Variants in AGBL1 observed in about 807,000 individuals in gnomAD.
AGBL1 encodes AGBL carboxypeptidase 1.
A neutral mutation model predicts 118.9 loss-of-function variants in AGBL1; 130 were observed. The observed-to-expected ratio is 1.09, with a 90% CI of 0.95 to 1.26. The LOEUF (loss-of-function observed/expected upper bound fraction) is 1.26. AGBL1 is among the 50% of genes most tolerant of loss of function. The pLI, the probability that AGBL1 is intolerant of heterozygous loss-of-function variation, is 0.00. For synonymous variants in AGBL1, 555 were observed against 478.9 expected, an observed-to-expected ratio of 1.16 and a Z score of -2.08; for missense variants, 1,584 against 1,298.1, an observed-to-expected ratio of 1.22 and a Z score of -3.38.
In AGBL1 at chr15:86,913,200, TACACACACACACACACAC is replaced by T. The variant is rs10556535; in HGVS notation, c.*5917_*5934del. The T allele has an allele frequency of 6.7e-6, 1 of 148,424 alleles. No homozygotes were observed. Among genetic ancestry groups the T allele is most frequent in the South Asian group, 2.2e-4 (1 of 4,580 alleles). 9.2% of individuals were successfully genotyped at this position (148,424 alleles called of 1,614,324 possible). A position where few individuals can be genotyped will look rare whatever the true frequency, so the allele number is the denominator to read the frequency against. ...TTGAGTTCCCCACCACACACACACA[TACACACACACACACACAC>T]ACACACACACGGCACAGGGCTTTAA... On this transcript the variant is annotated 3_prime_UTR_variant, in exon 23 of 23. Coordinates refer to ENST00000614907, the MANE Select transcript of AGBL1 (RefSeq NM_001386094.1).
chr15:86,101,132 T>G (rs930827993), intron 1 of AGBL1, among the ~76,000 whole-genome samples: 1 of 152,182 alleles, frequency 6.6e-6, no homozygotes, highest in Non-Finnish European at 1.5e-5. Context: ...TAATAGTCAA[T>G]CAGGATCACG....
At chr15:86,479,919 A>G (rs1379113100) in intron 18 of AGBL1, among the ~76,000 whole-genome samples, 2 of 152,158 alleles carry the variant, frequency 1.3e-5, no homozygotes, top group Admixed American at 1.3e-4. Context: ...AAAAGGATGA[A>G]TTCATATCCT....
At chr15:86,727,286 C>G (rs1414048096) in intron 22 of AGBL1, among the ~76,000 whole-genome samples, 1 of 152,182 alleles carries the variant, frequency 6.6e-6, no homozygotes, top group Non-Finnish European at 1.5e-5. Context: ...TAGGGAGACT[C>G]TCTTGGCCAG....
intron 18 of AGBL1, among the ~76,000 whole-genome samples, chr15:86,427,418 C>T (rs993679425): frequency 2.0e-5 from 3 of 152,068 alleles, no homozygotes; most frequent in African/African-American, 7.2e-5. Flanking sequence ...AGGACATCTC[C>T]AGAGTCCTAA....
intron 21 of AGBL1, among the ~76,000 whole-genome samples, chr15:86,558,587 G>C (rs2083770350): frequency 1.3e-5 from 2 of 152,138 alleles, no homozygotes; most frequent in African/African-American, 4.8e-5. Flanking sequence ...GCTGTTTCCT[G>C]CTGTAAACAA....
chr15:86,225,340 C>T (rs959942656), intron 6 of AGBL1, among the ~76,000 whole-genome samples: 3 of 152,040 alleles, frequency 2.0e-5, no homozygotes, highest in East Asian at 1.9e-4. Flanking sequence ...GCCTCCAGGT[C>T]CCAGTGGAAG....
chr15:86,934,160 A>C (rs2080638178), intron 23 of AGBL1, among the ~76,000 whole-genome samples: 1 of 152,210 alleles, frequency 6.6e-6, no homozygotes, highest in African/African-American at 2.4e-5. Context: ...ATAAACAGCT[A>C]AAAGCTGCTG....
At chr15:86,958,012 A>C in intron 23 of AGBL1, among the ~76,000 whole-genome samples, 1 of 151,948 alleles carries the variant, frequency 6.6e-6, no homozygotes, top group Non-Finnish European at 1.5e-5. Context: ...GACCAGCCTA[A>C]GCCTCATGGC....
At chr15:86,318,160 G>A (rs1022621122) in intron 17 of AGBL1, among the ~76,000 whole-genome samples, 1 of 152,216 alleles carries the variant, frequency 6.6e-6, no homozygotes, top group Non-Finnish European at 1.5e-5. Flanking sequence ...CCCAAAGTCA[G>A]CCCCAGCTTT....
At chr15:86,982,986 G>C (rs943624957) in intron 23 of AGBL1, among the ~76,000 whole-genome samples, 1 of 152,026 alleles carries the variant, frequency 6.6e-6, no homozygotes, top group African/African-American at 2.4e-5. Flanking sequence ...TAGTTGACTG[G>C]AATTTGCTTT....
rs750465682 is a variant in AGBL1 at position 86,279,716 on chromosome 15, C to T, written c.2153C>T (p.Thr718Ile). 2 of 1,613,678 alleles carry T rather than the reference C, an allele frequency of 1.2e-6. No individual in the cohort carries two copies. Among genetic ancestry groups the T allele is most frequent in the African/African-American group, 1.3e-5 (1 of 75,022 alleles). ...TACTATACCCTCACCTTTGCTGTCA[C>T]CTTCCCACACAGTGAGGATGTCTGC... is the stretch of plus-strand genomic sequence containing the variant. ...KCYYTLTFAV[T>I]FPHSEDVCYL... is the part of the protein sequence containing the mutation. The change falls in exon 16 of 23, where the codon ACC becomes ATC. Residue 718 changes from threonine (T) to isoleucine (I), a missense_variant. Thr to Ile is a moderately conservative substitution (Grantham distance 89). Coordinates refer to ENST00000614907, the MANE Select transcript of AGBL1 (RefSeq NM_001386094.1).
At chr15:86,190,199 A>G (rs1227925929) in intron 5 of AGBL1, among the ~76,000 whole-genome samples, 1 of 152,164 alleles carries the variant, frequency 6.6e-6, no homozygotes, top group Non-Finnish European at 1.5e-5. Context: ...AGCATGATGA[A>G]TATATAGCAT....
At chr15:86,929,089 T>C (rs72754065) in intron 23 of AGBL1, among the ~76,000 whole-genome samples, 7,298 of 152,266 alleles carry the variant, frequency 0.048, 195 homozygotes, top group Middle Eastern at 0.11. Context: ...TGTTTATTTG[T>C]AGTTTCTTCC....
intron 21 of AGBL1, among the ~76,000 whole-genome samples, chr15:86,627,123 C>T (rs1407354537): frequency 6.6e-6 from 1 of 152,138 alleles, no homozygotes; most frequent in Non-Finnish European, 1.5e-5. Context: ...GCCTCAGCCT[C>T]CTGAGTAGCT....
chr15:86,977,668 T>A lies in AGBL1; in HGVS notation c.3222-10319T>A, dbSNP rs559582903. On this transcript the variant is annotated intron_variant, in intron 23 of 24. Coordinates refer to the AGBL1 transcript ENST00000441037. Reference sequence around the variant, plus strand: ...GTTGTTATTATAATGATAGGAAAATTATTGGGTTTTATGAATTTAGTATGT... The same window carrying A: ...GTTGTTATTATAATGATAGGAAAATAATTGGGTTTTATGAATTTAGTATGT... 1.9e-4 allele frequency among the ~76,000 whole-genome samples: 29 copies of A among 152,086 alleles called. No individual in the cohort carries two copies. The East Asian group carries it at 5.2e-3, about 27-fold the overall frequency.
chr15:87,029,211 A>G (rs1283795789), downstream of AGBL1, among the ~76,000 whole-genome samples: 1 of 151,876 alleles, frequency 6.6e-6, no homozygotes, highest in Non-Finnish European at 1.5e-5. Context: ...CAGCTTCCAT[A>G]TTTGAAATAG....
intron 20 of AGBL1, among the ~76,000 whole-genome samples, chr15:86,553,103 C>T (rs959468827): frequency 1.3e-5 from 2 of 152,122 alleles, no homozygotes; most frequent in African/African-American, 2.4e-5. Context: ...TGTTATGCTT[C>T]TCTACTTTCT....
intron 21 of AGBL1, among the ~76,000 whole-genome samples, chr15:86,620,810 C>CTT (rs941331399): frequency 1.4e-5 from 2 of 147,316 alleles, no homozygotes; most frequent in African/African-American, 2.5e-5. Context: ...ATATTAGCTC[C>CTT]TTTTTTTTTT....
chr15:86,489,068 C>T (rs1175487226), intron 18 of AGBL1, among the ~76,000 whole-genome samples: 3 of 152,016 alleles, frequency 2.0e-5, no homozygotes, highest in Non-Finnish European at 4.4e-5. Context: ...AGCAGAAGGG[C>T]TGCAGGAGCT....
Sources: allele counts gnomAD v4.1 joint callset (sites outside exome capture counted in the v4.1 genomes callset), GRCh38; gene constraint gnomAD v4.1.1; transcripts MANE v1.5; gene names NCBI Gene and HGNC (gene_info 2026-07-23, HGNC 2026-07-21).